GLRA1: variants seen among roughly 807,000 people sequenced by gnomAD.
GLRA1 encodes the protein glycine receptor subunit alpha-1.
GLRA1 carries 37 observed loss-of-function variants against 48.3 expected under a neutral mutation model. The observed-to-expected ratio is 0.77, with a 90% CI of 0.59 to 1.01. The LOEUF (loss-of-function observed/expected upper bound fraction) is 1.01, where lower values mean the gene tolerates loss of function less well. Among genes scored for constraint, GLRA1 ranks in the 50% least tolerant of loss-of-function variants. The pLI is 0.00. For synonymous variants in GLRA1, 196 were observed against 210.7 expected (o/e 0.93, Z 0.60); for missense variants, 427 against 571.0 (o/e 0.75, Z 2.57).
chr5:151,924,204 G>A (rs1754949227), intron 1 of GLRA1, among the ~76,000 whole-genome samples: 1 of 152,018 alleles, frequency 6.6e-6, no homozygotes, highest in Non-Finnish European at 1.5e-5. Context: ...ACCAATAGTG[G>A]GGGGTGTAGC....
chr5:151,861,079 G>A (rs898345398), intron 3 of GLRA1, among the ~76,000 whole-genome samples: 1 of 152,210 alleles, frequency 6.6e-6, no homozygotes, highest in Admixed American at 6.5e-5. Context: ...TGGCTGCATA[G>A]TATTCCATGG....
intron 1 of GLRA1, among the ~76,000 whole-genome samples, chr5:151,918,047 G>A (rs943782158): frequency 1.3e-5 from 2 of 152,178 alleles, no homozygotes; most frequent in Admixed American, 1.3e-4. Context: ...TAATCTAATT[G>A]CATTGAATTA....
At chr5:151,844,788 G>A (rs1752626412) in intron 7 of GLRA1, among the ~76,000 whole-genome samples, 1 of 151,944 alleles carries the variant, frequency 6.6e-6, no homozygotes, top group Non-Finnish European at 1.5e-5. Flanking sequence ...TCCATTTTGT[G>A]TTACTTCAAA....
chr5:151,825,271 T>G (rs1489509125), intron 8 of GLRA1, among the ~76,000 whole-genome samples: 1 of 152,188 alleles, frequency 6.6e-6, no homozygotes, highest in Non-Finnish European at 1.5e-5. Context: ...AATGAAAATC[T>G]CCCCTTGCTG....
intron 8 of GLRA1, among the ~76,000 whole-genome samples, chr5:151,824,120 T>C (rs1763214354): frequency 6.6e-6 from 1 of 151,498 alleles, no homozygotes; most frequent in African/African-American, 2.4e-5. Context: ...CTGGTGCCTC[T>C]CCATCTCTCC....
intron 4 of GLRA1, among the ~76,000 whole-genome samples, chr5:151,856,965 T>C (rs1277238473): frequency 5.3e-5 from 8 of 152,124 alleles, no homozygotes; most frequent in Admixed American, 5.2e-4. Context: ...GGAAGCAGAG[T>C]GCAGTCAGCT....
chr5:151,853,067 A>T (rs1386998399), intron 6 of GLRA1, among the ~76,000 whole-genome samples: 1 of 152,198 alleles, frequency 6.6e-6, no homozygotes, highest in Non-Finnish European at 1.5e-5. Context: ...CAAAAGTAGC[A>T]TGGTGGTTGC....
chr5:151,894,049 A>G (rs1409398829), intron 1 of GLRA1, among the ~76,000 whole-genome samples: 1 of 152,194 alleles, frequency 6.6e-6, no homozygotes, highest in East Asian at 1.9e-4. Flanking sequence ...TACTGAAATT[A>G]TATCCAGGAG....
Position 151,850,694 on chromosome 5 carries a change from T to C in GLRA1, c.912+696A>G, listed in dbSNP as rs1013102370. On this transcript the variant is annotated intron_variant, in intron 7 of 8. Transcript: ENST00000274576. ...GAAGAAGGGTTACTTTGAAGACTGT[T>C]GCCCCTCTGCCACTGCGAACCCTTT... 3.4e-6 allele frequency: 4 copies of C among 1,183,830 alleles called. No individual in the cohort carries two copies. In the African/African-American group the frequency reaches 6.0e-5, roughly 18 times the overall value. The allele number at this position is 1,183,830 out of a possible 1,614,324, so 73.3% of individuals were successfully genotyped here. A position where few individuals can be genotyped will look rare whatever the true frequency, so the allele number is the denominator to read the frequency against.
At chr5:151,892,892 C>T (rs1754116255) in intron 1 of GLRA1, among the ~76,000 whole-genome samples, 2 of 152,172 alleles carry the variant, frequency 1.3e-5, no homozygotes, top group South Asian at 4.1e-4. Flanking sequence ...ATCAGAGTCA[C>T]AGTTTTTTAA....
intron 3 of GLRA1, among the ~76,000 whole-genome samples, chr5:151,874,872 G>A (rs1753585764): frequency 6.6e-6 from 1 of 152,028 alleles, no homozygotes; most frequent in Non-Finnish European, 1.5e-5. Flanking sequence ...ATAATTCTGT[G>A]ATCCGATTTG....
At chr5:151,900,714 G>A (rs1411972767) in intron 1 of GLRA1, among the ~76,000 whole-genome samples, 1 of 152,132 alleles carries the variant, frequency 6.6e-6, no homozygotes, top group East Asian at 1.9e-4. Flanking sequence ...CATGTGTGAA[G>A]GCTGAAGTCA....
chr5:151,871,070 G>T (rs1753470773), intron 3 of GLRA1, among the ~76,000 whole-genome samples: 1 of 149,442 alleles, frequency 6.7e-6, no homozygotes, highest in Non-Finnish European at 1.5e-5. Flanking sequence ...TACTGGGAGA[G>T]AATCATCCAG....
intron 5 of GLRA1, 152 bp from the exon 6 acceptor site, chr5:151,855,329 A>G: frequency 1.4e-6 from 1 of 694,288 alleles, no homozygotes; most frequent in Non-Finnish European, 2.5e-6. Context: ...CAAAAGAGGT[A>G]AAAAACTGGT....
chr5:151,860,930 A>G (rs1753182667), intron 3 of GLRA1, among the ~76,000 whole-genome samples: 2 of 151,846 alleles, frequency 1.3e-5, no homozygotes, highest in African/African-American at 4.8e-5. Context: ...TCTGTGTCCA[A>G]GTGTTCTCAT....
rs1017675087 is a variant in GLRA1, at chr5:151,883,138, A to T, written c.252+3583T>A. ...AATTTTAATAAATAGGGAGAAAACT[A>T]TGTCATTTGTGGTCTACCCTCAAGG... On this transcript the variant is annotated intron_variant, in intron 3 of 8. Transcript: ENST00000274576. Among the ~76,000 whole-genome samples, 3 of 152,146 alleles carry T rather than the reference A, an allele frequency of 2.0e-5. No homozygotes were observed. In the East Asian group the frequency reaches 5.8e-4, roughly 29 times the overall value.
At chr5:151,878,529 G>A (rs1753682845) in intron 3 of GLRA1, among the ~76,000 whole-genome samples, 1 of 152,190 alleles carries the variant, frequency 6.6e-6, no homozygotes, top group Non-Finnish European at 1.5e-5. Flanking sequence ...GAGCATGTCA[G>A]AGGTCTTCAC....
chr5:151,822,583 C>T lies in GLRA1; in HGVS notation c.*90G>A. 1 of 902,662 alleles carries T rather than the reference C, an allele frequency of 1.1e-6. No individual in the cohort carries two copies. The highest frequency in any genetic ancestry group is 1.9e-6 in the Non-Finnish European group (1 of 537,364). 55.9% of individuals were successfully genotyped at this position (902,662 alleles called of 1,614,324 possible). ...GAGAGTTGTGTAAGTGTGCCCCCTC[C>T]CTCCGTTCCCCTTCTCTTCCTTAGT... is the stretch of plus-strand genomic sequence containing the variant. On this transcript the variant is annotated 3_prime_UTR_variant, in exon 9 of 9. Transcript: ENST00000274576.
chr5:151,840,460 A>G (rs988456749), intron 7 of GLRA1, among the ~76,000 whole-genome samples: 2 of 151,344 alleles, frequency 1.3e-5, no homozygotes, highest in African/African-American at 4.8e-5. Flanking sequence ...AAGATAAGAT[A>G]TATATAGAAA....
Sources: gnomAD v4.1 joint callset for allele counts (sites outside exome capture counted in the v4.1 genomes callset) on GRCh38, gnomAD v4.1.1 for gene constraint, MANE v1.5 for transcripts, NCBI Gene and HGNC (gene_info 2026-07-23, HGNC 2026-07-21) for gene names.